RAD23B: variants seen among roughly 807,000 people sequenced by gnomAD.
RAD23B encodes lysine-specific demethylase RAD23B.
In RAD23B, 5 loss-of-function variants were observed where a neutral mutation model predicts 49.1. The ratio of observed to expected loss-of-function variants is 0.10; its 90% confidence interval spans 0.05 to 0.21. The LOEUF (loss-of-function observed/expected upper bound fraction) is 0.21, where lower values mean the gene tolerates loss of function less well. RAD23B is among the 10% of genes least tolerant of loss of function. The pLI is 1.00. For missense variants in RAD23B, 356 were observed against 486.7 expected (o/e 0.73, Z 2.53); for synonymous variants, 184 against 165.4 (o/e 1.11, Z -0.86).
At chr9:107,325,165 A>C in intron 9 of RAD23B, 161 bp downstream of exon 9, 1 of 523,442 alleles carries the variant, frequency 1.9e-6, no homozygotes, top group Non-Finnish European at 3.3e-6. Context: ...AAATACAAAA[A>C]TTAGCTGGCG....
At chr9:107,303,138 G>T (rs1234874625) in intron 3 of RAD23B, among the ~76,000 whole-genome samples, 1 of 152,022 alleles carries the variant, frequency 6.6e-6, no homozygotes, top group Non-Finnish European at 1.5e-5. Flanking sequence ...ATGGAGAAGT[G>T]GTACTCATGA....
intron 1 of RAD23B, among the ~76,000 whole-genome samples, chr9:107,285,285 TA>T (rs1223040776): frequency 6.6e-6 from 1 of 152,240 alleles, no homozygotes; most frequent in Non-Finnish European, 1.5e-5. Flanking sequence ...GGGTGAAAGT[TA>T]AAATGGAGTT....
chr9:107,329,944 G>T lies in RAD23B; in HGVS notation c.*288G>T, dbSNP rs551940208. On this transcript the variant is annotated 3_prime_UTR_variant, in exon 10 of 10. Coordinates refer to ENST00000358015, the MANE Select transcript of RAD23B (RefSeq NM_002874.5). The stretch of plus-strand genomic sequence containing the variant: ...TAAAACAGTAGGTAACTTTTCCTAG[G>T]TTTCACTCTTTTTAGTGTACTAGAT... The T allele has an allele frequency of 1.4e-4, 28 of 196,640 alleles. No individual in the cohort carries two copies. The East Asian group carries it at 3.0e-3, about 21-fold the overall frequency. The allele number at this position is 196,640 out of a possible 1,614,324, so 12.2% of individuals were successfully genotyped here. A position where few individuals can be genotyped will look rare whatever the true frequency, so the allele number is the denominator to read the frequency against.
At chr9:107,328,451 T>C (rs1827249879) in intron 9 of RAD23B, among the ~76,000 whole-genome samples, 1 of 152,150 alleles carries the variant, frequency 6.6e-6, no homozygotes, top group Non-Finnish European at 1.5e-5. Flanking sequence ...CTGTTTCATC[T>C]CACATCATCA....
chr9:107,284,320 T>G (rs1833228348), intron 1 of RAD23B: 1 of 704,106 alleles, frequency 1.4e-6, no homozygotes, highest in African/African-American at 1.9e-5. Context: ...CTTTGAGGCC[T>G]CTTTGGTGAT....
intron 5 of RAD23B, among the ~76,000 whole-genome samples, chr9:107,313,649 C>A (rs1161279603): frequency 2.6e-5 from 4 of 152,160 alleles, no homozygotes; most frequent in African/African-American, 9.7e-5. Context: ...ATAGATTCCC[C>A]AAATTACAGC....
chr9:107,309,930 CA>C (rs34745859), intron 4 of RAD23B, among the ~76,000 whole-genome samples: 27,941 of 75,222 alleles, frequency 0.37, 2,084 homozygotes, highest in East Asian at 0.55. Flanking sequence ...GACTCCATCT[CA>C]AAAAAAAAAA....
intron 5 of RAD23B, among the ~76,000 whole-genome samples, chr9:107,313,510 C>G (rs1404615593): frequency 6.6e-6 from 1 of 152,214 alleles, no homozygotes; most frequent in African/African-American, 2.4e-5. Flanking sequence ...AGGCGTGAAC[C>G]ACAGTGCCCG....
chr9:107,306,206 A>G (rs11573669), intron 3 of RAD23B, among the ~76,000 whole-genome samples, 173 bp from the exon 4 acceptor site: 1,659 of 151,616 alleles, frequency 0.011, 11 homozygotes, highest in Middle Eastern at 0.028. Flanking sequence ...AAGAGTAACC[A>G]TGAGTCAGAT....
chr9:107,307,008 T>TG (rs1826794317), intron 4 of RAD23B, among the ~76,000 whole-genome samples: 1 of 152,180 alleles, frequency 6.6e-6, no homozygotes, highest in African/African-American at 2.4e-5. Context: ...CATTTGTACT[T>TG]GATCTGTATT....
intron 9 of RAD23B, among the ~76,000 whole-genome samples, chr9:107,325,276 T>A (rs1194840377): frequency 8.0e-6 from 1 of 124,266 alleles, no homozygotes; most frequent in Non-Finnish European, 1.6e-5. Flanking sequence ...ATTGTGCCAC[T>A]GCACTCCAGC....
intron 5 of RAD23B, among the ~76,000 whole-genome samples, chr9:107,317,088 ACGCGTG>A (rs1309644886): frequency 1.5e-5 from 1 of 67,706 alleles, no homozygotes; most frequent in Non-Finnish European, 2.7e-5. Flanking sequence ...TTTTGCGCAC[ACGCGTG>A]CGTGTGTGTG....
chr9:107,322,317 A>C (rs1366086107), intron 7 of RAD23B, among the ~76,000 whole-genome samples, 199 bp downstream of exon 7: 2 of 152,246 alleles, frequency 1.3e-5, no homozygotes, highest in African/African-American at 4.8e-5. Context: ...GCTGATATTA[A>C]ACATCAGTGT....
chr9:107,294,046 T>C (rs1344181202), intron 1 of RAD23B, among the ~76,000 whole-genome samples: 1 of 152,214 alleles, frequency 6.6e-6, no homozygotes, highest in East Asian at 1.9e-4. Context: ...TTTTAATGGT[T>C]GTTGGCCTGA....
chr9:107,322,786 C>G (rs1827136174), intron 7 of RAD23B, among the ~76,000 whole-genome samples: 1 of 152,246 alleles, frequency 6.6e-6, no homozygotes, highest in African/African-American at 2.4e-5. Context: ...ATAGTCACCT[C>G]TGGTTGACAA....
In RAD23B at chr9:107,317,760, G is replaced by T. The variant is rs533022715; in HGVS notation, c.554-992G>T. Among the ~76,000 whole-genome samples the T allele has an allele frequency of 2.0e-5, 3 of 151,984 alleles. No individual in the cohort carries two copies. The South Asian group carries it at 6.2e-4, about 32-fold the overall frequency. On this transcript the variant is annotated intron_variant, in intron 5 of 9. Transcript: ENST00000358015. ...AGTTTTAAGTGAGGTAAGTTTATGA[G>T]GAAAATAGGTTTCATTTATTCAGAG...
chr9:107,327,818 G>T (rs946084289), intron 9 of RAD23B, among the ~76,000 whole-genome samples: 1 of 152,090 alleles, frequency 6.6e-6, no homozygotes, highest in African/African-American at 2.4e-5. Flanking sequence ...TGGAGCTGTA[G>T]TTGTCTCTAT....
Position 107,318,850 on chromosome 9 carries a change from C to A in RAD23B, c.652C>A (p.Pro218Thr). Reference sequence around the variant, plus strand: ...AGCCCTGAGAGCCAGTTTCAACAACCCTGACAGAGCAGTGGAGTATCTTTT... The same window carrying A: ...AGCCCTGAGAGCCAGTTTCAACAACACTGACAGAGCAGTGGAGTATCTTTT... Reference protein sequence around the residue: ...IAALRASFNNPDRAVEYLLMG... With the variant: ...IAALRASFNNTDRAVEYLLMG... The change falls in exon 6 of 10, where the codon CCT becomes ACT. Residue 218 changes from proline (P) to threonine (T), a missense_variant. This residue lies in a region of RAD23B where 148 missense variants were observed against 231.7 expected (regional missense o/e 0.64). Coordinates refer to ENST00000358015, the MANE Select transcript of RAD23B (RefSeq NM_002874.5). This position sits in a 1 kb window ranked among gnomAD's most constrained non-coding sequence, Gnocchi z 4.3. 2 of 1,613,582 alleles carry A rather than the reference C, an allele frequency of 1.2e-6. No homozygotes were observed. Among genetic ancestry groups the A allele is most frequent in the Non-Finnish European group, 1.7e-6 (2 of 1,179,606 alleles).
intron 3 of RAD23B, among the ~76,000 whole-genome samples, chr9:107,303,168 A>T (rs894187411): frequency 6.6e-6 from 1 of 151,752 alleles, no homozygotes; most frequent in African/African-American, 2.4e-5. Flanking sequence ...TTAGGATTGG[A>T]TTGTCATAAT....
Sources: allele counts gnomAD v4.1 joint callset (sites outside exome capture counted in the v4.1 genomes callset), GRCh38; gene constraint gnomAD v4.1.1; regional missense constraint gnomAD v4.1.1; non-coding constraint Gnocchi (gnomAD v3.1); transcripts MANE v1.5; gene names NCBI Gene and HGNC (gene_info 2026-07-23, HGNC 2026-07-21).